Variants in TRAPPC11 observed in about 807,000 individuals in gnomAD.
TRAPPC11 encodes trafficking protein particle complex subunit 11.
Under a neutral mutation model 151.2 loss-of-function variants are expected in TRAPPC11, and 104 were observed. That is an observed-to-expected ratio of 0.69 (90% confidence interval 0.59 to 0.81). The LOEUF is 0.81. TRAPPC11 is among the 30% of genes least tolerant of loss of function. The pLI is 0.00. For missense variants in TRAPPC11, 1,230 were observed against 1,349.6 expected (o/e 0.91, Z 1.39); for synonymous variants, 456 against 472.3 (o/e 0.97, Z 0.45).
In TRAPPC11 at chr4:183,679,456, C is replaced by T; in HGVS notation, c.935C>T (p.Ser312Phe). 1 of 1,612,030 alleles carries T rather than the reference C, an allele frequency of 6.2e-7. No individual in the cohort carries two copies. Among genetic ancestry groups the T allele is most frequent in the Non-Finnish European group, 8.5e-7 (1 of 1,179,172 alleles). Residue 312 changes from serine (S) to phenylalanine (F), a missense_variant, in exon 9 of 30, where the codon TCT (serine) becomes TTT (phenylalanine). By Grantham distance (155) the Ser-to-Phe change is radical (BLOSUM62 -2). Transcript: ENST00000334690. Reference sequence around the variant, plus strand: ...AAAAAGATTGGAAGTGCAGAGCTGTCTTTTGAGCATGATGCATGGATGTCT... The same window carrying T: ...AAAAAGATTGGAAGTGCAGAGCTGTTTTTTGAGCATGATGCATGGATGTCT... ...CKKKIGSAEL[S>F]FEHDAWMSKQ...
chr4:183,669,722 A>G (rs1437400271), intron 5 of TRAPPC11, among the ~76,000 whole-genome samples: 2 of 152,196 alleles, frequency 1.3e-5, no homozygotes, highest in East Asian at 3.9e-4. Flanking sequence ...CACACTCTAC[A>G]GCGTACAGGA....
chr4:183,684,252 T>G, intron 13 of TRAPPC11, 29 bp downstream of exon 13: 1 of 1,612,922 alleles, frequency 6.2e-7, no homozygotes, highest in Non-Finnish European at 8.5e-7. Context: ...CACCATTGCA[T>G]GCAACTTTGA....
At chr4:183,660,684 A>G (rs1283449013) in intron 1 of TRAPPC11, among the ~76,000 whole-genome samples, 1 of 152,144 alleles carries the variant, frequency 6.6e-6, no homozygotes, top group Non-Finnish European at 1.5e-5. Context: ...ATATTAAGCA[A>G]AGGGGCCCGT....
In TRAPPC11 at chr4:183,663,374, C is replaced by G. The variant is rs139859338; in HGVS notation, c.-21-473C>G. On this transcript the variant is annotated intron_variant, in intron 1 of 29. Transcript: ENST00000334690. ...TCAGCCTCCTGAGTAGCTGGGACTA[C>G]AGGCGCCCACCACCACGCCCGGCTA... Among the ~76,000 whole-genome samples the G allele has an allele frequency of 4.7e-3, 717 of 152,254 alleles. 6 individuals carry two copies. Among genetic ancestry groups the G allele is most frequent in the African/African-American group, 0.016 (684 of 41,560 alleles).
In TRAPPC11 at chr4:183,668,008, G is replaced by A. The variant is rs770451885; in HGVS notation, c.451G>A (p.Asp151Asn). The A allele has an allele frequency of 2.3e-5, 37 of 1,594,268 alleles. No individual in the cohort carries two copies. Among genetic ancestry groups the A allele is most frequent in the Non-Finnish European group, 3.1e-5 (36 of 1,162,800 alleles). The change falls in exon 5 of 30, where the codon GAT (aspartate) becomes AAT (asparagine). Residue 151 changes from aspartate to asparagine, a missense_variant. Physicochemically the swap from Asp to Asn is conservative, Grantham distance 23. Coordinates refer to ENST00000334690, the MANE Select transcript of TRAPPC11 (RefSeq NM_021942.6). ...TTGATGGGGATTATCAACAGGAGAA[G>A]ATGTCATTGCTTCAGAAAGGGCTGC... is the stretch of plus-strand genomic sequence containing the variant. Reference protein sequence around the residue: ...QKKTPLPPGEDVIASERAAAL... With the variant: ...QKKTPLPPGENVIASERAAAL...
intron 29 of TRAPPC11, among the ~76,000 whole-genome samples, chr4:183,712,166 G>T (rs1462686935): frequency 6.6e-6 from 1 of 152,204 alleles, no homozygotes; most frequent in Non-Finnish European, 1.5e-5. Context: ...CTCTGGACCT[G>T]CTTAAAGCTT....
In TRAPPC11 at chr4:183,684,147, GATAATCA is replaced by G. The variant is rs1414226750; in HGVS notation, c.1291_1297del (p.Ile431Ter). The G allele has an allele frequency of 5.0e-6, 8 of 1,613,356 alleles. No individual in the cohort carries two copies. In the South Asian group the frequency reaches 7.7e-5, roughly 16 times the overall value. On this transcript the variant is annotated frameshift_variant, in exon 13 of 30. Transcript: ENST00000334690. LOFTEE classifies it high-confidence loss of function. ...TCACACTCTACTTTTTCTAATAGGAGATAATCATAACTCTTCTGAGCAATGCTGTTGC... is the reference window on the plus strand; with the variant it reads ...TCACACTCTACTTTTTCTAATAGGAGTAACTCTTCTGAGCAATGCTGTTGC...
In TRAPPC11 at chr4:183,679,463, G is replaced by A. The variant is rs754312189; in HGVS notation, c.942G>A (p.Glu314=). 36 of 1,611,308 alleles carry A rather than the reference G, an allele frequency of 2.2e-5. No homozygotes were observed. In the South Asian group the frequency reaches 3.3e-4, roughly 15 times the overall value. The part of the protein sequence containing the change: ...KKIGSAELSF[E]HDAWMSKQFQ... ...TTGGAAGTGCAGAGCTGTCTTTTGA[G>A]CATGATGCATGGATGTCTAAACAGT... Residue 314 remains glutamate, a synonymous_variant, in exon 9 of 30, where the codon GAG becomes GAA. Coordinates refer to ENST00000334690, the MANE Select transcript of TRAPPC11 (RefSeq NM_021942.6).
At chr4:183,699,356 G>A (rs1280328701) in intron 25 of TRAPPC11, among the ~76,000 whole-genome samples, 1 of 151,970 alleles carries the variant, frequency 6.6e-6, no homozygotes, top group East Asian at 1.9e-4. Context: ...TTATTCCCAT[G>A]GTGTTTTGTA....
chr4:183,694,179 C>T, intron 22 of TRAPPC11, 141 bp downstream of exon 22: 2 of 886,776 alleles, frequency 2.3e-6, no homozygotes, highest in African/African-American at 1.7e-5. Context: ...ATTTCATACA[C>T]ATTTTACATA....
intron 27 of TRAPPC11, chr4:183,706,067 A>AGCAC (rs1737042759): frequency 6.9e-6 from 1 of 145,738 alleles, no homozygotes; most frequent in Non-Finnish European, 1.5e-5. Flanking sequence ...GAACTGCCAG[A>AGCAC]ACACACACAC....
chr4:183,661,161 A>G (rs1444896961), intron 1 of TRAPPC11, among the ~76,000 whole-genome samples: 6 of 152,062 alleles, frequency 3.9e-5, no homozygotes, highest in African/African-American at 1.2e-4. Context: ...ATTTCTGGCA[A>G]GCTTTGCAAA....
chr4:183,684,175 G>C lies in TRAPPC11; in HGVS notation c.1318G>C (p.Val440Leu). ...EIIITLLSNA[V>L]AQFKKYKCPR... ...AATCATAACTCTTCTGAGCAATGCT[G>C]TTGCACAGTTCAAGAAGTATAAGTG... Residue 440 changes from valine to leucine, a missense_variant, in exon 13 of 30, where the codon GTT becomes CTT. Physicochemically the swap from Val to Leu is conservative, Grantham distance 32. Coordinates refer to ENST00000334690, the MANE Select transcript of TRAPPC11 (RefSeq NM_021942.6). 1 of 1,613,912 alleles carries C rather than the reference G, an allele frequency of 6.2e-7. No individual in the cohort carries two copies. Among genetic ancestry groups the C allele is most frequent in the Non-Finnish European group, 8.5e-7 (1 of 1,179,850 alleles).
At chr4:183,664,996 T>C (rs1175885187) in intron 2 of TRAPPC11, among the ~76,000 whole-genome samples, 1 of 152,198 alleles carries the variant, frequency 6.6e-6, no homozygotes, top group East Asian at 1.9e-4. Context: ...CACGACAACA[T>C]TTCATATACT....
intron 14 of TRAPPC11, 65 bp downstream of exon 14, chr4:183,684,424 A>T: frequency 7.0e-7 from 1 of 1,436,410 alleles, no homozygotes. Context: ...CTGAAATAGA[A>T]ATCAGTGTTG....
chr4:183,686,954 G>A (rs188932115), intron 18 of TRAPPC11, among the ~76,000 whole-genome samples: 194 of 152,282 alleles, frequency 1.3e-3, no homozygotes, highest in Middle Eastern at 6.8e-3. Flanking sequence ...GCCGAGGCAG[G>A]CAGATCACAA....
chr4:183,686,747 A>G lies in TRAPPC11; in HGVS notation c.1892A>G (p.Gln631Arg). Residue 631 changes from glutamine to arginine, a missense_variant and splice_region_variant, in exon 18 of 30, where the codon CAG (glutamine) becomes CGG (arginine). By Grantham distance (43) the Gln-to-Arg change is conservative. Transcript: ENST00000334690. The part of the protein sequence containing the change: ...FSKLCVSFNN[Q>R]EYNQFCVIEE... ...AAGCTCTGTGTCAGCTTTAATAATC[A>G]GGTAATGATGCCATGTCATGTGTTT... 1 of 1,613,968 alleles carries G rather than the reference A, an allele frequency of 6.2e-7. No individual in the cohort carries two copies. Among genetic ancestry groups the G allele is most frequent in the East Asian group, 2.2e-5 (1 of 44,874 alleles).
chr4:183,659,765 T>A (rs1734371004), intron 1 of TRAPPC11, among the ~76,000 whole-genome samples: 1 of 152,190 alleles, frequency 6.6e-6, no homozygotes, highest in Non-Finnish European at 1.5e-5. Flanking sequence ...TTGCTTCTCA[T>A]CTTTAACATC....
Position 183,713,121 on chromosome 4 carries a change from A to C in TRAPPC11, c.*477A>C, listed in dbSNP as rs1238887429. On this transcript the variant is annotated 3_prime_UTR_variant, in exon 30 of 30. Coordinates refer to ENST00000334690, the MANE Select transcript of TRAPPC11 (RefSeq NM_021942.6). Reference sequence around the variant, plus strand: ...AGAACACATACACAACAACATAGGGAGTTGTATGACTGATACGGAAAACTT... The same window carrying C: ...AGAACACATACACAACAACATAGGGCGTTGTATGACTGATACGGAAAACTT... The C allele has an allele frequency of 6.5e-6, 1 of 153,842 alleles. No homozygotes were observed. Among genetic ancestry groups the C allele is most frequent in the Non-Finnish European group, 1.4e-5 (1 of 69,230 alleles). The allele number at this position is 153,842 out of a possible 1,614,324, so 9.5% of individuals were successfully genotyped here.
Sources: gnomAD v4.1 joint callset for allele counts (sites outside exome capture counted in the v4.1 genomes callset) on GRCh38, gnomAD v4.1.1 for gene constraint, MANE v1.5 for transcripts, NCBI Gene and HGNC (gene_info 2026-07-23, HGNC 2026-07-21) for gene names.